Variants in EMG1 observed in about 807,000 individuals in gnomAD.
EMG1 encodes EMG1 N1-specific pseudouridine methyltransferase, also known as ribosomal RNA small subunit methyltransferase NEP1.
EMG1 carries 24 observed loss-of-function variants against 26.9 expected under a neutral mutation model. The observed-to-expected ratio is 0.89, with a 90% CI of 0.65 to 1.26. EMG1 has a LOEUF of 1.26. Among genes scored for constraint, EMG1 ranks in the 50% most tolerant of loss-of-function variants. The pLI is 0.00. For synonymous variants in EMG1, 140 were observed against 112.6 expected, an observed-to-expected ratio of 1.24 and a Z score of -1.54; for missense variants, 299 against 307.6, an observed-to-expected ratio of 0.97 and a Z score of 0.21.
chr12:6,975,011 T>TG (rs1394171319), intron 3 of EMG1, 79 bp from the exon 4 acceptor site: 1 of 1,392,878 alleles, frequency 7.2e-7, no homozygotes, highest in African/African-American at 1.4e-5. Context: ...ATCTTATCCA[T>TG]GGGGTTTTCC....
At chr12:6,995,341 G>A (rs1249463660) in intron 7 of EMG1, among the ~76,000 whole-genome samples, 4 of 151,976 alleles carry the variant, frequency 2.6e-5, no homozygotes, top group South Asian at 2.1e-4. Flanking sequence ...GGGCGTGGTG[G>A]TGCATGCCTG....
chr12:6,981,962 A>G, downstream of EMG1: 2 of 894,210 alleles, frequency 2.2e-6, no homozygotes, highest in Admixed American at 3.6e-5. Flanking sequence ...CCTTGCTCTG[A>G]AATTCAATGT....
At position 6,977,390 on chromosome 12, in the gene EMG1, A is replaced by G. The variant is rs1217653128; in HGVS notation, c.*1581A>G. The stretch of plus-strand genomic sequence containing the variant: ...GCCTTAAGCCATTTGTCCCACGTGA[A>G]GAGGCAGAAGGCAGTCATGGAGTAA... On this transcript the variant is annotated 3_prime_UTR_variant, in exon 6 of 6. Coordinates refer to ENST00000599672, the MANE Select transcript of EMG1 (RefSeq NM_006331.8). This position sits in a 1 kb window ranked among gnomAD's most constrained non-coding sequence, Gnocchi z 4.5. 3.1e-6 allele frequency: 5 copies of G among 1,614,220 alleles called. No individual in the cohort carries two copies. Among genetic ancestry groups the G allele is most frequent in the Non-Finnish European group, 3.4e-6 (4 of 1,180,040 alleles).
chr12:6,973,024 GAGAC>G (rs1224608256), intron 1 of EMG1, among the ~76,000 whole-genome samples: 3 of 132,362 alleles, frequency 2.3e-5, no homozygotes, highest in Non-Finnish European at 4.9e-5. Context: ...TTTTTTTTGT[GAGAC>G]AGGGTCCCAC....
downstream of EMG1, chr12:6,983,647 A>G (rs1946494108): frequency 1.4e-6 from 1 of 705,290 alleles, no homozygotes; most frequent in South Asian, 1.7e-5. Context: ...GAGAGAAAAA[A>G]AAAACAACAT....
chr12:6,986,067 G>A (rs1028374192), intron 6 of EMG1, among the ~76,000 whole-genome samples: 15 of 151,822 alleles, frequency 9.9e-5, no homozygotes, highest in East Asian at 1.9e-4. Flanking sequence ...GAGCCACCAC[G>A]CCCGGCCAAC....
In EMG1 at chr12:6,976,448, G is replaced by A; in HGVS notation, c.*639G>A. 6.5e-6 allele frequency: 1 copy of A among 153,570 alleles called. No individual in the cohort carries two copies. The highest frequency in any genetic ancestry group is 1.5e-5 in the Non-Finnish European group (1 of 68,814). The allele number at this position is 153,570 out of a possible 1,614,324, so 9.5% of individuals were successfully genotyped here. A position where few individuals can be genotyped will look rare whatever the true frequency, so the allele number is the denominator to read the frequency against. The stretch of plus-strand genomic sequence containing the variant: ...CCACAAGAGTTTCCCCTTTGGGCCG[G>A]GCACGGTGGCTCACGCCTGTAATCC... On this transcript the variant is annotated 3_prime_UTR_variant, in exon 6 of 6. Transcript: ENST00000599672.
At chr12:6,985,005 C>T (rs1296070794) in intron 6 of EMG1, among the ~76,000 whole-genome samples, 1 of 150,374 alleles carries the variant, frequency 6.7e-6, no homozygotes, top group Non-Finnish European at 1.5e-5. Context: ...AAATAAATTG[C>T]TCAATTATTT....
downstream of EMG1, among the ~76,000 whole-genome samples, chr12:6,989,370 T>C (rs1284761856): frequency 1.6e-4 from 23 of 146,772 alleles, no homozygotes; most frequent in South Asian, 1.8e-3. Flanking sequence ...AGTGCAGTGG[T>C]GCAATCTCGG....
At chr12:6,974,997 A>G in intron 3 of EMG1, 93 bp from the exon 4 acceptor site, 2 of 1,248,510 alleles carry the variant, frequency 1.6e-6, no homozygotes, top group South Asian at 1.2e-5. Flanking sequence ...CACACAGGGA[A>G]CTCATCTTAT....
At position 6,978,555 on chromosome 12, in the gene EMG1, C is replaced by T. The variant is rs782268991; in HGVS notation, c.*2746C>T. On this transcript the variant is annotated 3_prime_UTR_variant, in exon 6 of 6. Coordinates refer to ENST00000599672, the MANE Select transcript of EMG1 (RefSeq NM_006331.8). The stretch of plus-strand genomic sequence containing the variant: ...GGGCTCTTGCCACTCCCCATACTGG[C>T]CCCCATGGCTTGTCTAAATAGGACC... The T allele has an allele frequency of 1.9e-6, 3 of 1,612,698 alleles. No individual in the cohort carries two copies. In the South Asian group the frequency reaches 3.3e-5, roughly 18 times the overall value.
rs782016777 is a variant in EMG1, at chr12:6,976,913, G to A, written c.*1104G>A. The stretch of plus-strand genomic sequence containing the variant: ...CCACCTGCAAGACAAGAGGAGTTTG[G>A]AAGGCTGGTTAGTTACTCCTGTAAT... On this transcript the variant is annotated 3_prime_UTR_variant, in exon 6 of 6. Coordinates refer to ENST00000599672, the MANE Select transcript of EMG1 (RefSeq NM_006331.8). The A allele has an allele frequency of 2.0e-4, 99 of 493,440 alleles. 1 individual carries two copies. Among genetic ancestry groups the A allele is most frequent in the Middle Eastern group, 1.7e-3 (3 of 1,800 alleles). 30.6% of individuals were successfully genotyped at this position (493,440 alleles called of 1,614,324 possible).
chr12:6,993,347 T>C (rs1236659260), intron 7 of EMG1, among the ~76,000 whole-genome samples: 1 of 151,862 alleles, frequency 6.6e-6, no homozygotes, highest in African/African-American at 2.4e-5. Flanking sequence ...GGGAGGAGAA[T>C]TGCTTGAACC....
chr12:6,988,115 G>C (rs1461645670), intron 7 of EMG1: 2 of 274,802 alleles, frequency 7.3e-6, no homozygotes, highest in East Asian at 6.0e-5. Context: ...CTTAGGCCTG[G>C]TAACATCTGT....
At chr12:6,994,096 C>G (rs1310028387) in intron 7 of EMG1, among the ~76,000 whole-genome samples, 1 of 152,224 alleles carries the variant, frequency 6.6e-6, no homozygotes, top group Non-Finnish European at 1.5e-5. Flanking sequence ...TTTGGCCTCC[C>G]AGAGTGCTGC....
downstream of EMG1, chr12:6,982,697 G>A: frequency 6.2e-7 from 1 of 1,613,306 alleles, no homozygotes; most frequent in South Asian, 1.1e-5. Flanking sequence ...AAAAGGTAGT[G>A]AGGACGGCAG....
downstream of EMG1, among the ~76,000 whole-genome samples, chr12:6,988,919 G>A (rs1555155112): frequency 3.3e-5 from 5 of 152,220 alleles, no homozygotes; most frequent in South Asian, 1.0e-3. Context: ...CTGAGGTCAG[G>A]AGTTTGAGAC....
downstream of EMG1, among the ~76,000 whole-genome samples, chr12:6,980,209 G>A (rs1946456091): frequency 6.6e-6 from 1 of 151,912 alleles, no homozygotes; most frequent in African/African-American, 2.4e-5. Flanking sequence ...CACCTTGCCT[G>A]GATAATTTTT....
At chr12:6,985,166 C>T (rs1242711102) in intron 6 of EMG1, among the ~76,000 whole-genome samples, 6 of 143,928 alleles carry the variant, frequency 4.2e-5, no homozygotes, top group East Asian at 4.2e-4. Context: ...CTGAGACGGG[C>T]GGATCATGAG....
Sources: allele counts gnomAD v4.1 joint callset (sites outside exome capture counted in the v4.1 genomes callset), GRCh38; gene constraint gnomAD v4.1.1; non-coding constraint Gnocchi (gnomAD v3.1); transcripts MANE v1.5; gene names NCBI Gene and HGNC (gene_info 2026-07-23, HGNC 2026-07-21).